DIAPH3: variants seen among roughly 807,000 people sequenced by gnomAD.
DIAPH3 encodes the protein protein diaphanous homolog 3.
A neutral mutation model predicts 144.3 loss-of-function variants in DIAPH3; 117 were observed. The ratio of observed to expected loss-of-function variants is 0.81; its 90% CI spans 0.70 to 0.95. The LOEUF (loss-of-function observed/expected upper bound fraction) is 0.95. DIAPH3 is among the 40% of genes least tolerant of loss of function. DIAPH3 has a pLI of 0.00. For missense variants in DIAPH3, 1,421 were observed against 1,412.7 expected (o/e 1.01, Z -0.09); for synonymous variants, 519 against 488.9 (o/e 1.06, Z -0.81).
At chr13:59,979,813 T>G (rs1332485432) in intron 14 of DIAPH3, among the ~76,000 whole-genome samples, 1 of 151,678 alleles carries the variant, frequency 6.6e-6, no homozygotes, top group African/African-American at 2.4e-5. Context: ...CGTAAATGTT[T>G]GCTGTGGGTT....
intron 27 of DIAPH3, among the ~76,000 whole-genome samples, chr13:59,674,956 T>G (rs1306602051): frequency 1.3e-5 from 2 of 152,250 alleles, no homozygotes; most frequent in Non-Finnish European, 2.9e-5. Flanking sequence ...TCAGTTGATC[T>G]GGTGGTTCAT....
Position 59,983,756 on chromosome 13 carries a change from A to G in DIAPH3, c.1480+13T>C. 1 of 1,471,944 alleles carries G rather than the reference A, an allele frequency of 6.8e-7. No individual in the cohort carries two copies. Among genetic ancestry groups the G allele is most frequent in the South Asian group, 1.1e-5 (1 of 87,886 alleles). 91.2% of individuals were successfully genotyped at this position (1,471,944 alleles called of 1,614,324 possible). A position where few individuals can be genotyped will look rare whatever the true frequency, so the allele number is the denominator to read the frequency against. On this transcript the variant is annotated intron_variant, in intron 13 of 27. Transcript: ENST00000400324. ...GACAATAAGATATTTCTATTTAAAT[A>G]ATAAATACTCACCTACAAACTGGGT... is the stretch of plus-strand genomic sequence containing the variant.
intron 9 of DIAPH3, among the ~76,000 whole-genome samples, chr13:60,003,936 A>G (rs2052692480): frequency 6.6e-6 from 1 of 152,068 alleles, no homozygotes; most frequent in African/African-American, 2.4e-5. Context: ...AAAGTTTAAC[A>G]TTTTCTTACT....
At chr13:60,078,557 G>A (rs2137785370) in intron 4 of DIAPH3, among the ~76,000 whole-genome samples, 2 of 152,126 alleles carry the variant, frequency 1.3e-5, no homozygotes, top group Middle Eastern at 3.4e-3. Flanking sequence ...AAATTCAGGA[G>A]TAGAAATGGA....
chr13:59,869,775 A>G (rs1350654313), intron 21 of DIAPH3, among the ~76,000 whole-genome samples: 2 of 152,130 alleles, frequency 1.3e-5, no homozygotes, highest in Non-Finnish European at 2.9e-5. Flanking sequence ...TCATACATTT[A>G]CCTGACACCT....
chr13:59,765,693 A>G (rs934890166), intron 27 of DIAPH3, among the ~76,000 whole-genome samples: 2 of 147,812 alleles, frequency 1.4e-5, no homozygotes, highest in South Asian at 4.2e-4. Context: ...TCACTGAATA[A>G]AAACAACTAC....
In DIAPH3 at chr13:59,856,262, T is replaced by A. The variant is rs543920534; in HGVS notation, c.2737+5145A>T. Among the ~76,000 whole-genome samples the A allele has an allele frequency of 3.9e-4, 60 of 152,320 alleles. 1 individual carries two copies. Among genetic ancestry groups the A allele is most frequent in the African/African-American group, 1.4e-3 (58 of 41,580 alleles). On this transcript the variant is annotated intron_variant, in intron 22 of 27. Transcript: ENST00000400324. ...ACTGATTTGATAAAGTGAAAAACCA[T>A]TCAGTATAGGCTACTGTATTCTATA...
At chr13:59,924,959 TA>T in intron 17 of DIAPH3, 89 bp from the exon 18 acceptor site, 1 of 1,500,696 alleles carries the variant, frequency 6.7e-7, no homozygotes, top group Admixed American at 2.1e-5. Flanking sequence ...TTAAATAAGC[TA>T]AAAAGGATGT....
intron 8 of DIAPH3, among the ~76,000 whole-genome samples, chr13:60,010,123 T>C (rs2053145766): frequency 1.3e-5 from 2 of 152,144 alleles, no homozygotes; most frequent in South Asian, 2.1e-4. Context: ...ATATATAGAT[T>C]TCCAAATCGT....
intron 27 of DIAPH3, among the ~76,000 whole-genome samples, chr13:59,709,568 T>C (rs1384038021): frequency 6.6e-6 from 1 of 152,192 alleles, no homozygotes; most frequent in Non-Finnish European, 1.5e-5. Flanking sequence ...CCAGTTAGAA[T>C]GGCAATCATT....
chr13:59,970,941 A>G lies in DIAPH3; in HGVS notation c.1870T>C (p.Ser624Pro), dbSNP rs1394932784. Residue 624 changes from serine to proline, a missense_variant, in exon 16 of 28, where the codon TCT becomes CCT. Ser to Pro is a moderately conservative substitution (Grantham distance 74). Coordinates refer to ENST00000400324, the MANE Select transcript of DIAPH3 (RefSeq NM_001042517.2). ...AATGGCAGGATTGGTAGAGGAGGAG[A>G]ATTTTGTCCTCCAAGGAATCCCAGG... ...PPLGFLGGQN[S>P]PPLPILPFGL... is the part of the protein sequence containing the mutation. The G allele has an allele frequency of 6.8e-6, 11 of 1,613,828 alleles. No homozygotes were observed. The highest frequency in any genetic ancestry group is 9.3e-6 in the Non-Finnish European group (11 of 1,179,942).
intron 25 of DIAPH3, among the ~76,000 whole-genome samples, chr13:59,775,684 CCT>C (rs2038377997): frequency 1.3e-5 from 2 of 152,074 alleles, no homozygotes; most frequent in African/African-American, 2.4e-5. Context: ...ATAATCATCC[CCT>C]GACTTGAGGT....
intron 24 of DIAPH3, among the ~76,000 whole-genome samples, chr13:59,819,651 C>T (rs75114928): frequency 0.016 from 2,376 of 151,526 alleles, 76 homozygotes; most frequent in African/African-American, 0.055. Context: ...GGTAATTGGA[C>T]AGCCATATCA....
At chr13:60,140,521 GA>G (rs936817214) in intron 1 of DIAPH3, among the ~76,000 whole-genome samples, 26 of 152,008 alleles carry the variant, frequency 1.7e-4, no homozygotes, top group Admixed American at 1.4e-3. Flanking sequence ...AATGGTACAT[GA>G]AAAAAAGTGC....
chr13:59,675,463 C>A (rs1407962779), intron 27 of DIAPH3, among the ~76,000 whole-genome samples: 2 of 151,638 alleles, frequency 1.3e-5, no homozygotes, highest in East Asian at 1.9e-4. Flanking sequence ...CGGCTCACTG[C>A]AAGCTTCGCC....
At chr13:59,826,429 C>T (rs2041427235) in intron 24 of DIAPH3, among the ~76,000 whole-genome samples, 1 of 150,442 alleles carries the variant, frequency 6.6e-6, no homozygotes, top group South Asian at 2.1e-4. Flanking sequence ...CTCCCATTCA[C>T]AATTGCTTCA....
chr13:60,085,428 A>G (rs1321177412), intron 4 of DIAPH3, among the ~76,000 whole-genome samples: 1 of 152,134 alleles, frequency 6.6e-6, no homozygotes, highest in Non-Finnish European at 1.5e-5. Context: ...GATAAGGCTC[A>G]TCTTCTGCAG....
chr13:59,952,543 C>T (rs989103080), intron 17 of DIAPH3, among the ~76,000 whole-genome samples: 3 of 152,132 alleles, frequency 2.0e-5, no homozygotes, highest in Admixed American at 6.6e-5. Context: ...TTTTACTTTC[C>T]TCCTTCTTAC....
intron 27 of DIAPH3, among the ~76,000 whole-genome samples, chr13:59,683,417 G>T (rs770944255): frequency 1.3e-5 from 2 of 152,122 alleles, no homozygotes; most frequent in Non-Finnish European, 2.9e-5. Flanking sequence ...AGAGCTGGGG[G>T]TGGGGTGTCA....
Sources: allele counts gnomAD v4.1 joint callset (sites outside exome capture counted in the v4.1 genomes callset), GRCh38; gene constraint gnomAD v4.1.1; transcripts MANE v1.5; gene names NCBI Gene and HGNC (gene_info 2026-07-23, HGNC 2026-07-21).